BTD: variants seen among roughly 807,000 people sequenced by gnomAD.
BTD encodes the protein biotinidase, also known as biocytinase.
BTD carries 13 observed loss-of-function variants against 17.7 expected under a neutral mutation model. The observed-to-expected ratio is 0.74, with a 90% CI of 0.48 to 1.17. The LOEUF is 1.17. BTD is among the 50% of genes most tolerant of loss of function. The pLI is 0.00. For missense variants in BTD, 674 were observed against 650.4 expected, an observed-to-expected ratio of 1.04 and a Z score of -0.39; for synonymous variants, 240 against 245.2, an observed-to-expected ratio of 0.98 and a Z score of 0.20.
At chr3:15,638,668 G>A (rs1035159654) in intron 2 of BTD, among the ~76,000 whole-genome samples, 2 of 152,220 alleles carry the variant, frequency 1.3e-5, no homozygotes, top group Admixed American at 6.5e-5. Flanking sequence ...ATTGCTTAAT[G>A]ACAGGGATAT....
At chr3:15,621,315 T>G (rs755602360) in intron 1 of BTD, among the ~76,000 whole-genome samples, 6 of 152,210 alleles carry the variant, frequency 3.9e-5, no homozygotes, top group Non-Finnish European at 8.8e-5. Flanking sequence ...TCTTGTAATG[T>G]CTTTGTCTGT....
intron 3 of BTD, chr3:15,669,000 G>A (rs554679794): frequency 2.6e-5 from 4 of 152,676 alleles, no homozygotes; most frequent in East Asian, 1.9e-4. Context: ...TTTAAAAGCC[G>A]AAATATCAGC....
At chr3:15,714,488 T>A, downstream of BTD, 1 of 902,982 alleles carries the variant, frequency 1.1e-6, no homozygotes. Flanking sequence ...GCGATGACAA[T>A]TCCTCAATAC....
chr3:15,616,337 G>A (rs543483311), intron 1 of BTD, among the ~76,000 whole-genome samples: 178 of 152,174 alleles, frequency 1.2e-3, no homozygotes, highest in African/African-American at 4.1e-3. Context: ...GTTTTGGGCC[G>A]GGCGCGGTGG....
intron 1 of BTD, among the ~76,000 whole-genome samples, chr3:15,612,148 A>G (rs1574978076): frequency 1.3e-5 from 2 of 152,126 alleles, no homozygotes; most frequent in East Asian, 3.9e-4. Flanking sequence ...TACAATTTCT[A>G]CATTGCCAGA....
In BTD at chr3:15,644,941, T is replaced by A. The variant is rs747548016; in HGVS notation, c.1025T>A (p.Leu342Ter). ...GETDPSHSKF[L>*]KILSGDPYCE... Reference sequence around the variant, plus strand: ...ACGGACCCATCCCATAGTAAGTTTTTAAAAATTTTGTCAGGCGATCCGTAC... The same window carrying A: ...ACGGACCCATCCCATAGTAAGTTTTAAAAAATTTTGTCAGGCGATCCGTAC... The change falls in exon 4 of 4, where the codon TTA (leucine) becomes TAA (stop). Residue 342 changes from leucine (L) to a stop codon, truncating the protein, a stop_gained. Transcript: ENST00000643237. LOFTEE classifies it low-confidence loss of function (END_TRUNC). 1.2e-6 allele frequency: 2 copies of A among 1,614,128 alleles called. No homozygotes were observed. The highest frequency in any genetic ancestry group is 1.6e-4 in the Middle Eastern group (1 of 6,062).
chr3:15,606,956 T>G (rs1431784187), intron 1 of BTD: 2 of 151,116 alleles, frequency 1.3e-5, no homozygotes, highest in South Asian at 2.1e-4. Flanking sequence ...TTTTGGTTTT[T>G]TTTTTTTTTT....
rs975082810 is a variant in BTD at position 15,633,115 on chromosome 3, A to G, written c.-16-2309A>G. On this transcript the variant is annotated intron_variant, in intron 1 of 3. Transcript: ENST00000643237. Reference sequence around the variant, plus strand: ...AGATCCCTTACACTACCTAATACAAACTAAATGCTATATAAATAATTGTTA... The same window carrying G: ...AGATCCCTTACACTACCTAATACAAGCTAAATGCTATATAAATAATTGTTA... 2.3e-4 allele frequency among the ~76,000 whole-genome samples: 35 copies of G among 152,106 alleles called. 1 individual carries two copies. The highest frequency in any genetic ancestry group is 2.3e-3 in the Admixed American group (35 of 15,266).
chr3:15,713,537 C>T (rs201348489), downstream of BTD: 15 of 1,611,086 alleles, frequency 9.3e-6, no homozygotes, highest in East Asian at 2.7e-4. Flanking sequence ...TTTGCAGTGT[C>T]AGCACCACTT....
At chr3:15,685,102 C>T (rs2067959358) in intron 3 of BTD, 1 of 915,418 alleles carries the variant, frequency 1.1e-6, no homozygotes, top group South Asian at 1.5e-5. Context: ...AGTACGTGAG[C>T]CTATACAGTA....
At chr3:15,698,588 C>T (rs2125919419) in intron 3 of BTD, among the ~76,000 whole-genome samples, 1 of 152,280 alleles carries the variant, frequency 6.6e-6, no homozygotes, top group East Asian at 1.9e-4. Flanking sequence ...GATTCCCATA[C>T]ACCAATAACA....
At chr3:15,666,133 G>T (rs991505834) in intron 3 of BTD, among the ~76,000 whole-genome samples, 2 of 152,146 alleles carry the variant, frequency 1.3e-5, no homozygotes, top group Non-Finnish European at 2.9e-5. Flanking sequence ...ACAGTTCCTG[G>T]CACATAGCAG....
At chr3:15,706,422 TC>T (rs2071409366) in intron 3 of BTD, among the ~76,000 whole-genome samples, 1 of 149,726 alleles carries the variant, frequency 6.7e-6, no homozygotes, top group Non-Finnish European at 1.5e-5. Context: ...CATAAACTCC[TC>T]CTTTTTTATG....
chr3:15,635,380 G>C lies in BTD; in HGVS notation c.-16-44G>C. On this transcript the variant is annotated intron_variant, in intron 1 of 3. Transcript: ENST00000643237. This position sits in a 1 kb window ranked among gnomAD's most constrained non-coding sequence, Gnocchi z 4.1. ...GCTGCAAACGTTAAATTCTTGGCAGGATTCTTTATTCAGCTGTTTTCCCCT... is the reference window on the plus strand; with the variant it reads ...GCTGCAAACGTTAAATTCTTGGCAGCATTCTTTATTCAGCTGTTTTCCCCT... The C allele has an allele frequency of 1.6e-5, 26 of 1,613,740 alleles. No individual in the cohort carries two copies. Among genetic ancestry groups the C allele is most frequent in the Non-Finnish European group, 2.2e-5 (26 of 1,179,888 alleles).
Position 15,695,058 on chromosome 3 carries a change from T to C in BTD, c.400-15002T>C, listed in dbSNP as rs1575191883. ...ATCTTCCTTTCCTCTGTACACATGA[T>C]TTCTGTCACCGTCTTTGTGCCTAAT... On this transcript the variant is annotated intron_variant, in intron 3 of 3. Transcript: ENST00000672141. The C allele has an allele frequency of 4.9e-6, 4 of 818,014 alleles. No homozygotes were observed. The East Asian group carries it at 8.0e-5, about 16-fold the overall frequency. The allele number at this position is 818,014 out of a possible 1,614,324, so 50.7% of individuals were successfully genotyped here.
chr3:15,601,722 T>G (rs746432393), upstream of BTD: 57 of 1,569,612 alleles, frequency 3.6e-5, no homozygotes, highest in Admixed American at 1.1e-3. Flanking sequence ...CGCGCCAGAA[T>G]GCCAGAGGGA....
chr3:15,712,238 C>G (rs762096313), exon 4 of BTD: 1 of 1,549,630 alleles, frequency 6.5e-7, no homozygotes. Context: ...GTTAATAGAA[C>G]AGGACAGTAT....
chr3:15,619,519 C>T (rs2064889005), intron 1 of BTD, among the ~76,000 whole-genome samples: 1 of 152,150 alleles, frequency 6.6e-6, no homozygotes, highest in Non-Finnish European at 1.5e-5. Context: ...CTCACTTAGT[C>T]ATGGTGTATA....
chr3:15,601,927 G>C, intron 1 of BTD, 33 bp downstream of exon 1: 2 of 1,612,406 alleles, frequency 1.2e-6, no homozygotes, highest in Non-Finnish European at 1.7e-6. Context: ...CGCGGAGGGG[G>C]TGTGGTAAGG....
Sources: gnomAD v4.1 joint callset for allele counts (sites outside exome capture counted in the v4.1 genomes callset) on GRCh38, gnomAD v4.1.1 for gene constraint, Gnocchi (gnomAD v3.1) non-coding constraint, MANE v1.5 for transcripts, NCBI Gene and HGNC (gene_info 2026-07-23, HGNC 2026-07-21) for gene names.